Variants in CCDC170 observed in about 807,000 individuals in gnomAD.
CCDC170 encodes the protein coiled-coil domain containing 170.
Under a neutral mutation model 72.6 loss-of-function variants are expected in CCDC170, and 69 were observed. The ratio of observed to expected loss-of-function variants is 0.95; its 90% CI spans 0.78 to 1.16. The LOEUF (loss-of-function observed/expected upper bound fraction) is 1.16, where lower values mean the gene tolerates loss of function less well. Among genes scored for constraint, CCDC170 ranks in the 50% most tolerant of loss-of-function variants. The pLI is 0.00. For missense variants in CCDC170, 852 were observed against 832.5 expected (o/e 1.02, Z -0.29); for synonymous variants, 300 against 303.9 (o/e 0.99, Z 0.13).
chr6:151,593,193 G>T lies in CCDC170; in HGVS notation c.1380G>T (p.Val460=), dbSNP rs749436659. The change falls in exon 8 of 11, where the codon GTG becomes GTT. Residue 460 remains valine, a synonymous_variant. Coordinates refer to ENST00000239374, the MANE Select transcript of CCDC170 (RefSeq NM_025059.4). The stretch of plus-strand genomic sequence containing the variant: ...TTGGCTTTGACATGCGGCTGGACGT[G>T]GTTTTAGCTCGAACAGAGCAGCTGG... ...AELGFDMRLD[V]VLARTEQLVR... 1.9e-6 allele frequency: 3 copies of T among 1,614,174 alleles called. No individual in the cohort carries two copies. The highest frequency in any genetic ancestry group is 2.5e-6 in the Non-Finnish European group (3 of 1,180,034).
chr6:151,568,970 G>A (rs972764251), intron 5 of CCDC170, among the ~76,000 whole-genome samples: 1 of 152,132 alleles, frequency 6.6e-6, no homozygotes, highest in Admixed American at 6.5e-5. Context: ...CAAAAGATAA[G>A]TGCATATTAA....
Position 151,530,445 on chromosome 6 carries a change from T to A in CCDC170, c.58-5873T>A, listed in dbSNP as rs143518932. Among the ~76,000 whole-genome samples the A allele has an allele frequency of 5.2e-3, 776 of 149,646 alleles. 6 individuals are homozygous for A. The highest frequency in any genetic ancestry group is 0.016 in the African/African-American group (654 of 41,026). On this transcript the variant is annotated intron_variant, in intron 1 of 10. Transcript: ENST00000239374. Reference sequence around the variant, plus strand: ...GATTAATAATGATAATAATAATAATTATTATTATTATTTTGAGACAGAGTC... The same window carrying A: ...GATTAATAATGATAATAATAATAATAATTATTATTATTTTGAGACAGAGTC...
chr6:151,518,847 GT>G (rs1228591224), intron 1 of CCDC170, among the ~76,000 whole-genome samples: 1 of 152,160 alleles, frequency 6.6e-6, no homozygotes, highest in African/African-American at 2.4e-5. Context: ...AGGGGAAGGG[GT>G]GTACAAACAG....
intron 2 of CCDC170, among the ~76,000 whole-genome samples, 194 bp from the exon 3 acceptor site, chr6:151,537,849 GAT>G (rs921298006): frequency 2.0e-5 from 3 of 152,090 alleles, no homozygotes; most frequent in African/African-American, 7.2e-5. Flanking sequence ...TTTTGGAAAA[GAT>G]AGAATATAAA....
At chr6:151,593,663 G>A (rs1776578363) in intron 8 of CCDC170, among the ~76,000 whole-genome samples, 1 of 152,064 alleles carries the variant, frequency 6.6e-6, no homozygotes, top group South Asian at 2.1e-4. Context: ...CCATCCCTAG[G>A]GTGATCCTTA....
chr6:151,494,910 G>A (rs879629471), intron 1 of CCDC170, among the ~76,000 whole-genome samples: 4 of 152,210 alleles, frequency 2.6e-5, no homozygotes, highest in Admixed American at 2.6e-4. Flanking sequence ...CCTTGGCATC[G>A]GGGCCCACCG....
intron 7 of CCDC170, among the ~76,000 whole-genome samples, chr6:151,589,985 G>A (rs77079209): frequency 0.012 from 1,840 of 152,036 alleles, 58 homozygotes; most frequent in Admixed American, 0.07. Context: ...CTCGTCTGGC[G>A]TCCTCCAGCT....
At position 151,573,439 on chromosome 6, in the gene CCDC170, C is replaced by A. The variant is rs907682510; in HGVS notation, c.1040C>A (p.Thr347Asn). The A allele has an allele frequency of 8.7e-6, 14 of 1,614,120 alleles. No individual in the cohort carries two copies. The highest frequency in any genetic ancestry group is 1.2e-5 in the Non-Finnish European group (14 of 1,180,018). ...RLSMTGSTED[T>N]ILEKIREMDS... is the part of the protein sequence containing the mutation. ...AGCATGACTGGGTCCACTGAGGACA[C>A]CATTTTGGAGAAGATTCGAGAAATG... The change falls in exon 6 of 11, where the codon ACC becomes AAC. Residue 347 changes from threonine to asparagine, a missense_variant. By Grantham distance (65) the Thr-to-Asn change is moderately conservative. Coordinates refer to ENST00000239374, the MANE Select transcript of CCDC170 (RefSeq NM_025059.4).
chr6:151,568,105 G>GAAAAAAAAAAAA (rs771627857), intron 5 of CCDC170, among the ~76,000 whole-genome samples: 1 of 38,266 alleles, frequency 2.6e-5, no homozygotes, highest in African/African-American at 8.6e-5. Flanking sequence ...GTGAGACTCT[G>GAAAAAAAAAAAA]AAAAAAAAAA....
intron 1 of CCDC170, among the ~76,000 whole-genome samples, chr6:151,535,101 A>G (rs1782555353): frequency 6.6e-6 from 1 of 152,172 alleles, no homozygotes; most frequent in Admixed American, 6.5e-5. Flanking sequence ...CACAGGCCAA[A>G]CCCACCAAAT....
chr6:151,539,549 CT>C (rs1302151469), intron 3 of CCDC170, among the ~76,000 whole-genome samples: 7 of 152,176 alleles, frequency 4.6e-5, no homozygotes, highest in African/African-American at 1.4e-4. Context: ...ATCTCTTTGG[CT>C]TTCAAATACT....
intron 1 of CCDC170, among the ~76,000 whole-genome samples, chr6:151,533,019 C>A (rs912891215): frequency 9.9e-5 from 15 of 151,388 alleles, no homozygotes; most frequent in African/African-American, 2.9e-4. Flanking sequence ...ATGATGTGGG[C>A]AGCTCCTGCT....
At chr6:151,612,452 A>G (rs1776888498) in intron 9 of CCDC170, among the ~76,000 whole-genome samples, 1 of 152,216 alleles carries the variant, frequency 6.6e-6, no homozygotes, top group African/African-American at 2.4e-5. Context: ...AAATTCATTC[A>G]TTGGGGCAGC....
intron 9 of CCDC170, 53 bp from the exon 10 acceptor site, chr6:151,615,390 A>G: frequency 8.1e-7 from 1 of 1,239,188 alleles, no homozygotes; most frequent in Non-Finnish European, 1.2e-6. Flanking sequence ...ATGTTTATAC[A>G]GTTTTCCTAA....
intron 9 of CCDC170, 136 bp from the exon 10 acceptor site, chr6:151,615,303 TCTAA>T: frequency 7.1e-6 from 5 of 702,178 alleles, no homozygotes; most frequent in South Asian, 3.5e-5. Context: ...TAGCAAAATC[TCTAA>T]CTGTTTGGGA....
At chr6:151,546,027 C>G (rs147545578) in intron 4 of CCDC170, among the ~76,000 whole-genome samples, 162 of 152,270 alleles carry the variant, frequency 1.1e-3, no homozygotes, top group African/African-American at 3.8e-3. Flanking sequence ...GTTCTCCCAC[C>G]TTGGCCTTCC....
intron 1 of CCDC170, among the ~76,000 whole-genome samples, chr6:151,516,418 G>C (rs1040000544): frequency 5.9e-5 from 9 of 152,268 alleles, no homozygotes; most frequent in Middle Eastern, 6.8e-3. Flanking sequence ...ATTGTTTTGT[G>C]GGTTTTGAAA....
intron 5 of CCDC170, among the ~76,000 whole-genome samples, chr6:151,562,020 C>T (rs1160843843): frequency 6.6e-6 from 1 of 152,028 alleles, no homozygotes; most frequent in Non-Finnish European, 1.5e-5. Context: ...ATTATTAAAG[C>T]TCTAACATTA....
chr6:151,617,765 A>G (rs1000156934), intron 10 of CCDC170, among the ~76,000 whole-genome samples, 182 bp from the exon 11 acceptor site: 5 of 152,146 alleles, frequency 3.3e-5, no homozygotes, highest in African/African-American at 1.2e-4. Flanking sequence ...GAAGGTTGGC[A>G]GTTGATGTGA....
Sources: allele counts gnomAD v4.1 joint callset (sites outside exome capture counted in the v4.1 genomes callset), GRCh38; gene constraint gnomAD v4.1.1; transcripts MANE v1.5; gene names NCBI Gene and HGNC (gene_info 2026-07-23, HGNC 2026-07-21).